The following CRB1 variants were observed in gnomAD, a reference collection of about 807,000 sequenced individuals.
CRB1 encodes crumbs cell polarity complex component 1.
CRB1 carries 83 observed loss-of-function variants against 120.0 expected under a neutral mutation model. The ratio of observed to expected loss-of-function variants is 0.69; its 90% CI spans 0.58 to 0.83. CRB1 has a LOEUF of 0.83. CRB1 is among the 40% of genes least tolerant of loss of function. The probability of loss-of-function intolerance (pLI) is 0.00; values close to 1 mark genes in which losing one functional copy is unlikely to be tolerated. For synonymous variants in CRB1, 625 were observed against 612.5 expected, an observed-to-expected ratio of 1.02 and a Z score of -0.30; for missense variants, 1,699 against 1,687.6, an observed-to-expected ratio of 1.01 and a Z score of -0.12.
At position 197,477,980 on chromosome 1, in the gene CRB1, G is replaced by A; in HGVS notation, c.*101G>A. 8.7e-7 allele frequency: 1 copy of A among 1,152,226 alleles called. No individual in the cohort carries two copies. Among genetic ancestry groups the A allele is most frequent in the Non-Finnish European group, 1.3e-6 (1 of 766,338 alleles). 71.4% of individuals were successfully genotyped at this position (1,152,226 alleles called of 1,614,324 possible). On this transcript the variant is annotated 3_prime_UTR_variant, in exon 12 of 12. Coordinates refer to ENST00000367400, the MANE Select transcript of CRB1 (RefSeq NM_201253.3). The stretch of plus-strand genomic sequence containing the variant: ...CCTGACAATGTTAATCTGCAACTGG[G>A]ATTACACTGGAACTACAGGAATGAT...
In CRB1 at chr1:197,268,298, G is replaced by A; in HGVS notation, c.-115G>A. The A allele has an allele frequency of 1.3e-6, 1 of 784,904 alleles. No individual in the cohort carries two copies. Among genetic ancestry groups the A allele is most frequent in the East Asian group, 2.5e-5 (1 of 40,752 alleles). The allele number at this position is 784,904 out of a possible 1,614,324, so 48.6% of individuals were successfully genotyped here. A position where few individuals can be genotyped will look rare whatever the true frequency, so the allele number is the denominator to read the frequency against. On this transcript the variant is annotated 5_prime_UTR_variant, in exon 1 of 12. Coordinates refer to ENST00000367400, the MANE Select transcript of CRB1 (RefSeq NM_201253.3). ...GGAGCTGTAAGTAGGGTGGGACAGA[G>A]ATGGCACCTGGGGGTTCTGAGGCAC... is the stretch of plus-strand genomic sequence containing the variant.
At chr1:197,337,066 T>C (rs983520943) in intron 2 of CRB1, among the ~76,000 whole-genome samples, 4 of 152,210 alleles carry the variant, frequency 2.6e-5, no homozygotes, top group African/African-American at 9.6e-5. Context: ...TATGTTGAAA[T>C]GCTGTCCAAG....
chr1:197,280,378 C>T (rs1168532344), intron 1 of CRB1, among the ~76,000 whole-genome samples: 1 of 151,746 alleles, frequency 6.6e-6, no homozygotes, highest in East Asian at 1.9e-4. Context: ...ATTGCTCAAA[C>T]CATAAGAAAT....
At chr1:197,397,289 A>T (rs953459046) in intron 5 of CRB1, among the ~76,000 whole-genome samples, 4 of 152,104 alleles carry the variant, frequency 2.6e-5, no homozygotes, top group Non-Finnish European at 5.9e-5. Context: ...AAGGAAGGAG[A>T]GAGAGTAGGT....
At chr1:197,326,851 TTTTG>T (rs1418152895) in intron 1 of CRB1, among the ~76,000 whole-genome samples, 1 of 151,698 alleles carries the variant, frequency 6.6e-6, no homozygotes, top group Non-Finnish European at 1.5e-5. Flanking sequence ...ACTCGTGTTT[TTTTG>T]TTTGTTTATT....
At chr1:197,207,604 TTCCTTCA>T in the CRB1 span, among the ~76,000 whole-genome samples, 3 of 152,320 alleles carry the variant, frequency 2.0e-5, no homozygotes, top group Non-Finnish European at 2.9e-5. Flanking sequence ...CTGATAGGTT[TTCCTTCA>T]TGGGTTACCT....
chr1:197,382,108 T>C (rs1439980416), intron 5 of CRB1, among the ~76,000 whole-genome samples: 1 of 152,158 alleles, frequency 6.6e-6, no homozygotes, highest in Non-Finnish European at 1.5e-5. Flanking sequence ...TCAGAATTCT[T>C]AGTGTAACAG....
intron 2 of CRB1, among the ~76,000 whole-genome samples, chr1:197,338,288 C>A (rs975882174): frequency 1.3e-5 from 2 of 151,878 alleles, no homozygotes; most frequent in East Asian, 3.9e-4. Context: ...ATATTACTAT[C>A]TTGTAAATTT....
intron 11 of CRB1, among the ~76,000 whole-genome samples, chr1:197,472,927 G>A (rs990290791): frequency 5.3e-5 from 8 of 152,186 alleles, no homozygotes; most frequent in South Asian, 2.1e-4. Flanking sequence ...TGTCCTGTGC[G>A]TATGTCCTAT....
chr1:197,441,914 T>A (rs1665462129), intron 10 of CRB1: 1 of 501,192 alleles, frequency 2.0e-6, no homozygotes, highest in Non-Finnish European at 3.6e-6. Context: ...AATATTTGCA[T>A]CTATTTTCTC....
intron 1 of CRB1, among the ~76,000 whole-genome samples, chr1:197,288,983 A>AC (rs1656003012): frequency 6.6e-6 from 1 of 151,570 alleles, no homozygotes; most frequent in Non-Finnish European, 1.5e-5. Flanking sequence ...AAAAAAAAAA[A>AC]AAAACTTGAA....
At chr1:197,363,609 G>A (rs1026224159) in intron 5 of CRB1, among the ~76,000 whole-genome samples, 4 of 152,134 alleles carry the variant, frequency 2.6e-5, no homozygotes, top group South Asian at 2.1e-4. Flanking sequence ...GGGGAAGGAA[G>A]GCCGGCTCGG....
intron 2 of CRB1, among the ~76,000 whole-genome samples, chr1:197,343,332 C>A (rs180820393): frequency 6.6e-6 from 1 of 152,126 alleles, no homozygotes; most frequent in East Asian, 1.9e-4. Context: ...CTTTTAAAAC[C>A]TGTATGCAAA....
chr1:197,266,523 A>G (rs1453201853), upstream of CRB1, among the ~76,000 whole-genome samples: 2 of 152,170 alleles, frequency 1.3e-5, no homozygotes, highest in South Asian at 2.1e-4. Context: ...GCATACCCAT[A>G]CTTATGCTTG....
intron 5 of CRB1, among the ~76,000 whole-genome samples, chr1:197,382,367 T>C (rs1661999936): frequency 6.6e-6 from 1 of 152,108 alleles, no homozygotes; most frequent in South Asian, 2.1e-4. Context: ...TGGAATAGAC[T>C]TGATAACCAA....
chr1:197,357,704 G>C (rs1329359241), intron 5 of CRB1: 4 of 152,946 alleles, frequency 2.6e-5, no homozygotes, highest in Non-Finnish European at 5.8e-5. Context: ...AATAGATTAA[G>C]TGATGCCTCT....
chr1:197,347,479 G>A lies in CRB1; in HGVS notation c.988G>A (p.Gly330Arg), dbSNP rs1204676329. 6.2e-7 allele frequency: 1 copy of A among 1,613,908 alleles called. No homozygotes were observed. ...CAATTACACTTGTCACTGCTGGCCT[G>A]GTGAGTGACAAAATACCTTCCACCA... ...VDNYTCHCWP[G>R]YTGAQCEIDL... is the part of the protein sequence containing the mutation. The change falls in exon 4 of 12, where the codon GGA (glycine) becomes AGA (arginine). Residue 330 changes from glycine (G) to arginine (R), a missense_variant and splice_region_variant. Transcript: ENST00000367400.
At chr1:197,278,726 A>G in intron 1 of CRB1, among the ~76,000 whole-genome samples, 1 of 151,954 alleles carries the variant, frequency 6.6e-6, no homozygotes, top group Non-Finnish European at 1.5e-5. Flanking sequence ...TCCAACTTCC[A>G]GGGATCAATT....
chr1:197,392,168 T>G (rs1662538748), intron 5 of CRB1, among the ~76,000 whole-genome samples: 1 of 151,888 alleles, frequency 6.6e-6, no homozygotes, highest in African/African-American at 2.4e-5. Flanking sequence ...CCTGAAGGCC[T>G]TTTGGTCCTT....
Sources: gnomAD v4.1 joint callset for allele counts (sites outside exome capture counted in the v4.1 genomes callset) on GRCh38, gnomAD v4.1.1 for gene constraint, MANE v1.5 for transcripts, NCBI Gene and HGNC (gene_info 2026-07-23, HGNC 2026-07-21) for gene names.